Variants in NEB observed in about 807,000 individuals in gnomAD.
The protein encoded by NEB is nemaline myopathy type 2.
NEB carries 512 observed loss-of-function variants against 952.2 expected under a neutral mutation model. The observed-to-expected ratio is 0.54, with a 90% CI of 0.50 to 0.58. The LOEUF (loss-of-function observed/expected upper bound fraction) is 0.58, where lower values mean the gene tolerates loss of function less well. Ranked by LOEUF, NEB falls within the 20% of genes least tolerant of loss-of-function variation. The pLI, the probability that NEB is intolerant of heterozygous loss-of-function variation, is 0.00. For synonymous variants in NEB, 2,900 were observed against 3,149.8 expected (o/e 0.92, Z 2.66); for missense variants, 8,428 against 9,231.1 (o/e 0.91, Z 3.56).
rs571132358 is a variant in NEB at position 151,515,515 on chromosome 2, G to T, written c.22906-587C>A. On this transcript the variant is annotated intron_variant, in intron 157 of 181. Coordinates refer to ENST00000397345, the MANE Select transcript of NEB (RefSeq NM_001164508.2). Reference sequence around the variant, plus strand: ...GGTGTATGCCACCACACTGAGTTTTGACCTGTTTTTTAAAAATCACTGAAT... The same window carrying T: ...GGTGTATGCCACCACACTGAGTTTTTACCTGTTTTTTAAAAATCACTGAAT... 1.8e-3 allele frequency among the ~76,000 whole-genome samples: 271 copies of T among 152,102 alleles called. 2 individuals are homozygous for T. Among genetic ancestry groups the T allele is most frequent in the African/African-American group, 6.4e-3 (264 of 41,500 alleles).
rs2099511826 is a variant in NEB, at chr2:151,687,498, C to A, written c.2558G>T (p.Gly853Val). Reference sequence around the variant, plus strand: ...AATGCTGAGGGCTCCAATCATTTTCCCTTTGCTCTTTTCATAGTCTTTCTT... The same window carrying A: ...AATGCTGAGGGCTCCAATCATTTTCACTTTGCTCTTTTCATAGTCTTTCTT... ...MYKKDYEKSK[G>V]KMIGALSIND... The change falls in exon 27 of 182, where the codon GGG (glycine) becomes GTG (valine). Residue 853 changes from glycine (G) to valine (V), a missense_variant. Physicochemically the swap from Gly to Val is moderately radical, Grantham distance 109 (BLOSUM62 -3). Around this residue, in one of 11 missense-constraint regions of NEB, gnomAD observed 2,851 missense variants for 2,791.5 expected, o/e 1.02. Transcript: ENST00000397345. 1 of 1,613,952 alleles carries A rather than the reference C, an allele frequency of 6.2e-7. No homozygotes were observed. Among genetic ancestry groups the A allele is most frequent in the African/African-American group, 1.3e-5 (1 of 75,038 alleles).
intron 28 of NEB, among the ~76,000 whole-genome samples, chr2:151,683,039 G>A (rs980509758): frequency 6.6e-6 from 1 of 152,048 alleles, no homozygotes; most frequent in Non-Finnish European, 1.5e-5. Context: ...GAAAATGTTC[G>A]AGTCAAAGCT....
chr2:151,636,194 G>T, intron 64 of NEB, 33 bp downstream of exon 64: 1 of 1,539,156 alleles, frequency 6.5e-7, no homozygotes, highest in Non-Finnish European at 8.9e-7. Flanking sequence ...ACATTAGATT[G>T]ATCACATACT....
intron 38 of NEB, 71 bp downstream of exon 38, chr2:151,670,949 TAAG>T (rs2099278145): frequency 2.1e-6 from 3 of 1,447,598 alleles, no homozygotes; most frequent in Non-Finnish European, 2.9e-6. Flanking sequence ...CACATTGAAT[TAAG>T]AAGGACGGAG....
At chr2:151,710,567 A>G in intron 10 of NEB, 29 bp from the exon 11 acceptor site, 1 of 1,372,288 alleles carries the variant, frequency 7.3e-7, no homozygotes, top group East Asian at 2.3e-5. Flanking sequence ...AAATAAGACA[A>G]GCATAACTCA....
chr2:151,561,089 T>C lies in NEB; in HGVS notation c.19121A>G (p.Tyr6374Cys), dbSNP rs1177490619. The C allele has an allele frequency of 3.1e-6, 5 of 1,592,324 alleles. No individual in the cohort carries two copies. Among genetic ancestry groups the C allele is most frequent in the Admixed American group, 3.5e-5 (2 of 57,800 alleles). The change falls in exon 123 of 182, where the codon TAT becomes TGT. Residue 6374 changes from tyrosine (Y) to cysteine (C), a missense_variant. Coordinates refer to ENST00000397345, the MANE Select transcript of NEB (RefSeq NM_001164508.2). ...NASEVKYKEN[Y>C]HQIKDKYTTV... is the part of the protein sequence containing the mutation. ...TGTGTATTTGTCCTTAATCTGATGA[T>C]AATTTTCTTTATATTTTACCTGTAG... is the stretch of plus-strand genomic sequence containing the variant.
chr2:151,734,089 G>A (rs1578259833), intron 1 of NEB, among the ~76,000 whole-genome samples: 1 of 152,156 alleles, frequency 6.6e-6, no homozygotes, highest in Non-Finnish European at 1.5e-5. Flanking sequence ...ATATAGGAAC[G>A]TAGAGCAGCG....
At chr2:151,729,020 G>T (rs986800152) in intron 4 of NEB, among the ~76,000 whole-genome samples, 2 of 151,918 alleles carry the variant, frequency 1.3e-5, no homozygotes, top group Non-Finnish European at 2.9e-5. Context: ...TGCTCAAAGA[G>T]AAACAGCTGC....
At chr2:151,563,570 G>A in intron 119 of NEB, 36 bp downstream of exon 119, 4 of 1,548,266 alleles carry the variant, frequency 2.6e-6, no homozygotes, top group Non-Finnish European at 3.6e-6. Flanking sequence ...ACACTTATGG[G>A]GCACAAATCC....
rs112989597 is a variant in NEB, at chr2:151,568,719, A to G, written c.17536-3T>C. 5.7e-6 allele frequency: 9 copies of G among 1,575,180 alleles called. No homozygotes were observed. Among genetic ancestry groups the G allele is most frequent in the African/African-American group, 5.4e-5 (4 of 74,492 alleles). The stretch of plus-strand genomic sequence containing the variant: ...TCTATTTTTGTGCGATATTTTTTCT[A>G]TGGGAAAGAAAGCATCTTTTAGATA... On this transcript the variant is annotated splice_polypyrimidine_tract_variant and splice_region_variant and intron_variant, in intron 110 of 181. Transcript: ENST00000397345.
At chr2:151,505,671 TA>T in intron 164 of NEB, 101 bp from the exon 165 acceptor site, 1 of 967,318 alleles carries the variant, frequency 1.0e-6, no homozygotes, top group Non-Finnish European at 1.7e-6. Flanking sequence ...TTAAAAAAAT[TA>T]ACAGTGTAAA....
intron 95 of NEB, 22 bp downstream of exon 95, chr2:151,592,012 C>A (rs558447104): frequency 6.5e-7 from 1 of 1,549,634 alleles, no homozygotes; most frequent in African/African-American, 1.4e-5. Context: ...CTGTGAAAAG[C>A]AAATGATGTG....
rs1559072655 is a variant in NEB, at chr2:151,671,135, T to A, written c.4394A>T (p.Asp1465Val). ...TCGATACTTCCTCTCATTTAATGCATCGCCTGCTTTCTTGACCTTCTCCAC... is the reference window on the plus strand; with the variant it reads ...TCGATACTTCCTCTCATTTAATGCAACGCCTGCTTTCTTGACCTTCTCCAC... ...LEVEKVKKAG[D>V]ALNERKYRQH... The change falls in exon 38 of 182, where the codon GAT (aspartate) becomes GTT (valine). Residue 1465 changes from aspartate (D) to valine (V), a missense_variant. Physicochemically the swap from Asp to Val is radical, Grantham distance 152. Transcript: ENST00000397345. The A allele has an allele frequency of 6.2e-7, 1 of 1,613,990 alleles. No individual in the cohort carries two copies. The highest frequency in any genetic ancestry group is 8.5e-7 in the Non-Finnish European group (1 of 1,179,848).
chr2:151,592,036 T>A lies in NEB; in HGVS notation c.14824A>T (p.Asn4942Tyr). The A allele has an allele frequency of 6.5e-7, 1 of 1,549,660 alleles. No individual in the cohort carries two copies. The highest frequency in any genetic ancestry group is 8.7e-7 in the Non-Finnish European group (1 of 1,146,830). Residue 4942 changes from asparagine to tyrosine, a missense_variant and splice_region_variant, in exon 95 of 182, where the codon AAT becomes TAT. Asn to Tyr is a moderately radical substitution (Grantham distance 143). This residue lies in a region of NEB where 13 missense variants were observed against 40.6 expected (regional missense o/e 0.32). Coordinates refer to ENST00000397345, the MANE Select transcript of NEB (RefSeq NM_001164508.2). ...QSKINALQIS[N>Y]KRYQQAWEDV... ...GCAAATGATGTGCGCTGTCTTACAT[T>A]GCTGATCTGCAGAGCATTGATTTTG...
intron 142 of NEB, among the ~76,000 whole-genome samples, chr2:151,535,358 G>GA (rs2092923082): frequency 6.6e-6 from 1 of 152,170 alleles, no homozygotes; most frequent in Non-Finnish European, 1.5e-5. Context: ...TATAGATTGT[G>GA]TAATATATAA....
At chr2:151,562,908 T>G in intron 119 of NEB, 100 bp from the exon 120 acceptor site, 1 of 622,208 alleles carries the variant, frequency 1.6e-6, no homozygotes, top group Non-Finnish European at 2.7e-6. Flanking sequence ...TCAGTATCTC[T>G]AGAATAAACT....
In NEB at chr2:151,642,692, CATT is replaced by C; in HGVS notation, c.8266-14_8266-12del. The C allele has an allele frequency of 6.2e-7, 1 of 1,612,054 alleles. No individual in the cohort carries two copies. The highest frequency in any genetic ancestry group is 8.5e-7 in the Non-Finnish European group (1 of 1,178,506). On this transcript the variant is annotated splice_polypyrimidine_tract_variant and intron_variant, in intron 59 of 181. Coordinates refer to ENST00000397345, the MANE Select transcript of NEB (RefSeq NM_001164508.2). ...AAGCTTATACAATTTCTAAAATAGA[CATT>C]AATAGTAAGTTGGATTTATAAAGTG...
chr2:151,537,476 A>G (rs570989932), intron 140 of NEB, among the ~76,000 whole-genome samples: 9 of 152,228 alleles, frequency 5.9e-5, no homozygotes, highest in Admixed American at 3.9e-4. Context: ...TAACAGGCAT[A>G]CTTTCCTAGA....
chr2:151,500,415 G>GA (rs1164494782), intron 168 of NEB, among the ~76,000 whole-genome samples: 2 of 102,142 alleles, frequency 2.0e-5, no homozygotes, highest in African/African-American at 6.6e-5. Context: ...CTTCAGAGTT[G>GA]TATATAATAC....
Sources: gnomAD v4.1 joint callset for allele counts (sites outside exome capture counted in the v4.1 genomes callset) on GRCh38, gnomAD v4.1.1 for gene constraint, gnomAD v4.1.1 regional missense constraint, MANE v1.5 for transcripts, NCBI Gene and HGNC (gene_info 2026-07-23, HGNC 2026-07-21) for gene names.